ZMYM4: variants seen among roughly 807,000 people sequenced by gnomAD.
ZMYM4 encodes the protein zinc finger MYM-type protein 4.
Under a neutral mutation model 183.2 loss-of-function variants are expected in ZMYM4, and 31 were observed. The observed-to-expected ratio is 0.17, with a 90% CI of 0.13 to 0.23. The LOEUF (loss-of-function observed/expected upper bound fraction) is 0.23. Ranked by LOEUF, ZMYM4 falls within the 10% of genes least tolerant of loss-of-function variation. ZMYM4 has a pLI of 1.00. For missense variants in ZMYM4, 1,273 were observed against 1,840.3 expected (o/e 0.69, Z 5.64); for synonymous variants, 592 against 631.2 (o/e 0.94, Z 0.93).
In ZMYM4 at chr1:35,373,970, A is replaced by G. The variant is rs570958876; in HGVS notation, c.1181+3343A>G. 9.6e-5 allele frequency among the ~76,000 whole-genome samples: 14 copies of G among 145,428 alleles called. 2 individuals are homozygous for G. Among genetic ancestry groups the G allele is most frequent in the African/African-American group, 2.6e-4 (10 of 39,088 alleles). Reference sequence around the variant, plus strand: ...TACTTTTAAAAATGAGTACTTAGGTATATATCCTGTCTCTAATTTCTGTAT... The same window carrying G: ...TACTTTTAAAAATGAGTACTTAGGTGTATATCCTGTCTCTAATTTCTGTAT... On this transcript the variant is annotated intron_variant, in intron 7 of 29. Transcript: ENST00000314607.
intron 26 of ZMYM4, among the ~76,000 whole-genome samples, chr1:35,411,922 G>A (rs546109416): frequency 1.5e-3 from 235 of 152,170 alleles, no homozygotes; most frequent in Non-Finnish European, 2.6e-3. Flanking sequence ...TCACTCTGTC[G>A]CCCAGGCTGG....
chr1:35,359,989 A>G (rs61537364), intron 3 of ZMYM4, among the ~76,000 whole-genome samples: 9,900 of 151,758 alleles, frequency 0.065, 936 homozygotes, highest in East Asian at 0.44. Flanking sequence ...TGTACCCTAT[A>G]CTTTAGCTTT....
At chr1:35,365,239 CTTTTTTTT>C (rs746304675) in intron 5 of ZMYM4, among the ~76,000 whole-genome samples, 6 of 85,326 alleles carry the variant, frequency 7.0e-5, no homozygotes, top group Non-Finnish European at 1.5e-4. Flanking sequence ...TAATCAAAGT[CTTTTTTTT>C]TTTTTTTTTT....
At position 35,370,108 on chromosome 1, in the gene ZMYM4, C is replaced by G; in HGVS notation, c.920C>G (p.Pro307Arg). 1.9e-6 allele frequency: 3 copies of G among 1,613,056 alleles called. No homozygotes were observed. The highest frequency in any genetic ancestry group is 2.5e-6 in the Non-Finnish European group (3 of 1,179,428). The change falls in exon 6 of 30, where the codon CCT becomes CGT. Residue 307 changes from proline to arginine, a missense_variant. Physicochemically the swap from Pro to Arg is moderately radical, Grantham distance 103. Coordinates refer to ENST00000314607, the MANE Select transcript of ZMYM4 (RefSeq NM_005095.3). ...GCTGTGTTTTCAGTCAGTGGCAGCC[C>G]TCTTGGTAAGAAACAGACCTGAATA... ...ISAVFSVSGS[P>R]LAPQLTTGFQ... is the part of the protein sequence containing the mutation.
intron 1 of ZMYM4, among the ~76,000 whole-genome samples, chr1:35,310,106 A>T (rs1557971389): frequency 2.0e-5 from 3 of 149,880 alleles, no homozygotes; most frequent in Admixed American, 6.7e-5. Flanking sequence ...ATGTTTGTAT[A>T]TTTTTTTTTA....
chr1:35,355,336 C>T lies in ZMYM4; in HGVS notation c.86-3589C>T, dbSNP rs372086444. Among the ~76,000 whole-genome samples, 596 of 151,876 alleles carry T rather than the reference C, an allele frequency of 3.9e-3. 2 individuals are homozygous for T. Among genetic ancestry groups the T allele is most frequent in the Non-Finnish European group, 4.9e-3 (332 of 67,950 alleles). ...TGCTGGGATTACAGGCGTGAGCCACCGCACCCAGCCATCTGCAAGACTTTT... is the reference window on the plus strand; with the variant it reads ...TGCTGGGATTACAGGCGTGAGCCACTGCACCCAGCCATCTGCAAGACTTTT... On this transcript the variant is annotated intron_variant, in intron 2 of 29. Coordinates refer to ENST00000314607, the MANE Select transcript of ZMYM4 (RefSeq NM_005095.3).
intron 27 of ZMYM4, 103 bp downstream of exon 27, chr1:35,414,186 A>G: frequency 1.4e-6 from 1 of 725,832 alleles, no homozygotes; most frequent in South Asian, 1.7e-5. Flanking sequence ...TTCTGTCCAG[A>G]TTTATACCAT....
intron 2 of ZMYM4, among the ~76,000 whole-genome samples, chr1:35,352,520 C>G (rs1643666637): frequency 6.6e-6 from 1 of 152,130 alleles, no homozygotes; most frequent in Non-Finnish European, 1.5e-5. Flanking sequence ...TACTAGGATT[C>G]TCAGGTTATC....
At chr1:35,398,803 C>G in intron 21 of ZMYM4, 61 bp from the exon 22 acceptor site, 1 of 1,566,920 alleles carries the variant, frequency 6.4e-7, no homozygotes, top group Non-Finnish European at 8.7e-7. Flanking sequence ...GGAAGTTTTC[C>G]GAGCATGTCA....
At chr1:35,303,000 G>C (rs961602264) in intron 1 of ZMYM4, among the ~76,000 whole-genome samples, 8 of 151,016 alleles carry the variant, frequency 5.3e-5, no homozygotes, top group African/African-American at 1.9e-4. Context: ...ATTATCCAGG[G>C]CATAGTGACC....
intron 2 of ZMYM4, among the ~76,000 whole-genome samples, chr1:35,335,063 A>T (rs527714344): frequency 6.6e-6 from 1 of 152,264 alleles, no homozygotes; most frequent in Non-Finnish European, 1.5e-5. Flanking sequence ...CCAATTTCCC[A>T]GTCTCATACA....
At chr1:35,279,490 G>A (rs369476291) in intron 1 of ZMYM4, among the ~76,000 whole-genome samples, 124 of 152,264 alleles carry the variant, frequency 8.1e-4, no homozygotes, top group African/African-American at 2.8e-3. Flanking sequence ...GTCCAGCCAC[G>A]TGGCCTGCTC....
chr1:35,369,980 G>T (rs753959516), intron 5 of ZMYM4, 49 bp from the exon 6 acceptor site: 3 of 1,356,514 alleles, frequency 2.2e-6, no homozygotes, highest in South Asian at 1.3e-5. Flanking sequence ...ATGTCTTTAG[G>T]TATTTATTCT....
At position 35,370,576 on chromosome 1, in the gene ZMYM4, C is replaced by T. The variant is rs769821874; in HGVS notation, c.1130C>T (p.Pro377Leu). Residue 377 changes from proline (P) to leucine (L), a missense_variant, in exon 7 of 30, where the codon CCT becomes CTT. Around this residue, in one of 6 missense-constraint regions of ZMYM4, gnomAD observed 384 missense variants for 465.6 expected, o/e 0.82. Coordinates refer to ENST00000314607, the MANE Select transcript of ZMYM4 (RefSeq NM_005095.3). ...TGCCTCACTGGATATACAGTTCCAC[C>T]TGCCCGCCCACCGCCTCCTCTCACC... ...TLCLTGYTVP[P>L]ARPPPPLTKK... 6.2e-7 allele frequency: 1 copy of T among 1,612,524 alleles called. No homozygotes were observed. The highest frequency in any genetic ancestry group is 1.3e-5 in the African/African-American group (1 of 74,904).
chr1:35,398,967 G>A lies in ZMYM4; in HGVS notation c.3357G>A (p.Val1119=). Residue 1119 remains valine (V), a synonymous_variant, in exon 22 of 30, where the codon GTG becomes GTA. Coordinates refer to ENST00000314607, the MANE Select transcript of ZMYM4 (RefSeq NM_005095.3). The part of the protein sequence containing the change: ...LNHYALKSNA[V]QEADSELKQF... The stretch of plus-strand genomic sequence containing the variant: ...ACTATGCCTTAAAGTCAAATGCTGT[G>A]CAAGAGGCTGATTCAGAATTGAAGC... The A allele has an allele frequency of 6.2e-7, 1 of 1,614,112 alleles. No homozygotes were observed. Among genetic ancestry groups the A allele is most frequent in the Non-Finnish European group, 8.5e-7 (1 of 1,179,998 alleles).
At chr1:35,354,096 C>T (rs1396452569) in intron 2 of ZMYM4, among the ~76,000 whole-genome samples, 1 of 151,988 alleles carries the variant, frequency 6.6e-6, no homozygotes, top group Non-Finnish European at 1.5e-5. Flanking sequence ...CTGCAATGAG[C>T]CGTGGTCATG....
chr1:35,392,174 T>C (rs1644720368), intron 15 of ZMYM4, 38 bp from the exon 16 acceptor site: 2 of 1,613,496 alleles, frequency 1.2e-6, no homozygotes, highest in African/African-American at 2.7e-5. Flanking sequence ...TACATATAAA[T>C]CACGTGAGGT....
chr1:35,406,271 A>G (rs1188627), intron 25 of ZMYM4, among the ~76,000 whole-genome samples: 36,593 of 152,072 alleles, frequency 0.24, 9,081 homozygotes, highest in East Asian at 0.77. Context: ...TATAGATGAA[A>G]TGTAATCTGT....
chr1:35,273,908 TTAA>T (rs771014939), intron 1 of ZMYM4, among the ~76,000 whole-genome samples: 1 of 152,146 alleles, frequency 6.6e-6, no homozygotes, highest in African/African-American at 2.4e-5. Context: ...ATGTTATCTA[TTAA>T]TATATAAATC....
Sources: allele counts gnomAD v4.1 joint callset (sites outside exome capture counted in the v4.1 genomes callset), GRCh38; gene constraint gnomAD v4.1.1; regional missense constraint gnomAD v4.1.1; transcripts MANE v1.5; gene names NCBI Gene and HGNC (gene_info 2026-07-23, HGNC 2026-07-21).